The following ARID5B variants were observed in gnomAD, a reference collection of about 807,000 sequenced individuals.
ARID5B encodes AT-rich interaction domain 5B.
In ARID5B, 13 loss-of-function variants were observed where a neutral mutation model predicts 97.2. The ratio of observed to expected loss-of-function variants is 0.13; its 90% CI spans 0.09 to 0.21. ARID5B has a LOEUF of 0.21. ARID5B is among the 10% of genes least tolerant of loss of function. The pLI, the probability that ARID5B is intolerant of heterozygous loss-of-function variation, is 1.00. For synonymous variants in ARID5B, 556 were observed against 570.3 expected (o/e 0.97, Z 0.36); for missense variants, 1,210 against 1,465.3 (o/e 0.83, Z 2.84).
intron 3 of ARID5B, among the ~76,000 whole-genome samples, chr10:61,948,071 G>A (rs1838264911): frequency 6.6e-6 from 1 of 152,152 alleles, no homozygotes; most frequent in South Asian, 2.1e-4. Context: ...TTTCCATTTG[G>A]AGATGTCAGG....
At chr10:62,049,470 G>A (rs1483370974) in intron 4 of ARID5B, 1 of 1,550,552 alleles carries the variant, frequency 6.4e-7, no homozygotes, top group Non-Finnish European at 8.7e-7. Flanking sequence ...GCAGATGTTT[G>A]TCGACTGGAA....
At chr10:62,046,481 T>C (rs867554084) in intron 4 of ARID5B, among the ~76,000 whole-genome samples, 1 of 152,048 alleles carries the variant, frequency 6.6e-6, no homozygotes, top group African/African-American at 2.4e-5. Flanking sequence ...GTTGAGAAAA[T>C]AGACTATAAT....
chr10:62,007,137 C>G (rs1839156434), intron 4 of ARID5B, among the ~76,000 whole-genome samples: 1 of 152,106 alleles, frequency 6.6e-6, no homozygotes, highest in Non-Finnish European at 1.5e-5. Context: ...AAGTGCTGGT[C>G]TGGGGTAGTG....
At chr10:61,925,056 A>T (rs1372614928) in intron 2 of ARID5B, among the ~76,000 whole-genome samples, 2 of 151,932 alleles carry the variant, frequency 1.3e-5, no homozygotes, top group African/African-American at 4.8e-5. Flanking sequence ...AATACAAAAA[A>T]TGGCTGGTCA....
rs372005898 is a variant in ARID5B, at chr10:62,084,685, C to T, written c.1200-1017C>T. On this transcript the variant is annotated intron_variant, in intron 8 of 9. Coordinates refer to ENST00000279873, the MANE Select transcript of ARID5B (RefSeq NM_032199.3). ...TAATGCAATCCATCCCTTTTAATTA[C>T]ATCAGCTATTTTTCCCTTTCAGATA... Among the ~76,000 whole-genome samples the T allele has an allele frequency of 2.6e-5, 4 of 152,340 alleles. No individual in the cohort carries two copies. The South Asian group carries it at 8.3e-4, about 32-fold the overall frequency.
At chr10:62,015,912 C>T (rs1348372571) in intron 4 of ARID5B, among the ~76,000 whole-genome samples, 1 of 152,142 alleles carries the variant, frequency 6.6e-6, no homozygotes, top group African/African-American at 2.4e-5. Flanking sequence ...CATGAGCCAC[C>T]GTACCTGGCC....
intron 7 of ARID5B, among the ~76,000 whole-genome samples, chr10:62,067,083 A>G (rs1839999299): frequency 6.6e-6 from 1 of 151,708 alleles, no homozygotes; most frequent in Non-Finnish European, 1.5e-5. Context: ...AACTTAATAT[A>G]GAACTTCTTT....
chr10:61,964,628 CCAAT>C (rs1175888831), intron 3 of ARID5B, among the ~76,000 whole-genome samples: 1 of 152,176 alleles, frequency 6.6e-6, no homozygotes, highest in Non-Finnish European at 1.5e-5. Flanking sequence ...AAAATCTCCC[CCAAT>C]CAAACACCTT....
At chr10:61,934,724 T>A (rs1225629891) in intron 2 of ARID5B, among the ~76,000 whole-genome samples, 1 of 152,054 alleles carries the variant, frequency 6.6e-6, no homozygotes, top group Non-Finnish European at 1.5e-5. Flanking sequence ...ATATTAAAGA[T>A]CACTGATCGG....
Position 62,034,876 on chromosome 10 carries a change from A to G in ARID5B, c.734-16012A>G, listed in dbSNP as rs531577663. Among the ~76,000 whole-genome samples, 4 of 152,336 alleles carry G rather than the reference A, an allele frequency of 2.6e-5. No homozygotes were observed. In the South Asian group the frequency reaches 8.3e-4, roughly 32 times the overall value. On this transcript the variant is annotated intron_variant, in intron 4 of 9. Transcript: ENST00000279873. ...TCTGCAGAGATGGGGTTCCTTAAAA[A>G]AGGAATCCTCACCAGGCAGTCTGCC...
intron 2 of ARID5B, among the ~76,000 whole-genome samples, chr10:61,904,082 T>A (rs1171048355): frequency 9.1e-6 from 1 of 109,336 alleles, no homozygotes; most frequent in African/African-American, 3.6e-5. Context: ...TGCGCAGCTG[T>A]CTTCCTCCCC....
intron 4 of ARID5B, among the ~76,000 whole-genome samples, chr10:62,044,375 CTTTT>C (rs10586947): frequency 4.1e-4 from 53 of 129,378 alleles, no homozygotes; most frequent in African/African-American, 6.1e-4. Flanking sequence ...TTCATTTGCT[CTTTT>C]TTTTTTTTTT....
At chr10:61,926,784 T>G (rs997360319) in intron 2 of ARID5B, among the ~76,000 whole-genome samples, 2 of 151,658 alleles carry the variant, frequency 1.3e-5, no homozygotes, top group African/African-American at 4.8e-5. Context: ...AGTTTTTGGG[T>G]TTTTTTGTAT....
chr10:62,033,834 C>T lies in ARID5B; in HGVS notation c.734-17054C>T, dbSNP rs77883407. The stretch of plus-strand genomic sequence containing the variant: ...ATGGGCATATAATTCTCTTGACGAA[C>T]GGTTAAATTCAGCCCGGAGAGAGAT... On this transcript the variant is annotated intron_variant, in intron 4 of 9. Coordinates refer to ENST00000279873, the MANE Select transcript of ARID5B (RefSeq NM_032199.3). Among the ~76,000 whole-genome samples the T allele has an allele frequency of 9.4e-3, 1,433 of 152,270 alleles. 20 individuals are homozygous for T. The highest frequency in any genetic ancestry group is 0.033 in the African/African-American group (1,359 of 41,530).
chr10:61,944,805 T>A (rs1358348690), intron 3 of ARID5B, among the ~76,000 whole-genome samples: 1 of 152,216 alleles, frequency 6.6e-6, no homozygotes, highest in Non-Finnish European at 1.5e-5. Context: ...CCACAAACTG[T>A]CTGTGGATGG....
At chr10:61,924,636 T>C (rs1326096839) in intron 2 of ARID5B, among the ~76,000 whole-genome samples, 1 of 152,178 alleles carries the variant, frequency 6.6e-6, no homozygotes, top group African/African-American at 2.4e-5. Context: ...TATGTTTATG[T>C]TTAAACAGAG....
chr10:62,028,152 C>T (rs900430619), intron 4 of ARID5B, among the ~76,000 whole-genome samples: 1 of 152,076 alleles, frequency 6.6e-6, no homozygotes, highest in Non-Finnish European at 1.5e-5. Flanking sequence ...CTATTTGGTG[C>T]CCAAGAAATA....
chr10:62,057,453 A>G, intron 6 of ARID5B, 135 bp downstream of exon 6: 3 of 936,982 alleles, frequency 3.2e-6, no homozygotes, highest in Non-Finnish European at 4.7e-6. Context: ...TAAATCCATA[A>G]ATGTTCCAGG....
intron 4 of ARID5B, among the ~76,000 whole-genome samples, chr10:62,015,376 G>A (rs1181800574): frequency 6.6e-6 from 1 of 152,214 alleles, no homozygotes; most frequent in African/African-American, 2.4e-5. Context: ...CTTTAGTGGA[G>A]CTGGGATTCA....
Sources: allele counts gnomAD v4.1 joint callset (sites outside exome capture counted in the v4.1 genomes callset), GRCh38; gene constraint gnomAD v4.1.1; transcripts MANE v1.5; gene names NCBI Gene and HGNC (gene_info 2026-07-23, HGNC 2026-07-21).